Variants in CREB1 observed in about 807,000 individuals in gnomAD.
The protein encoded by CREB1 is cAMP responsive element binding protein 1, also known as cyclic AMP-responsive element-binding protein 1.
A neutral mutation model predicts 42.0 loss-of-function variants in CREB1; 2 were observed. The observed-to-expected ratio is 0.05, with a 90% CI of 0.02 to 0.15. The LOEUF is 0.15. Among genes scored for constraint, CREB1 ranks in the 10% least tolerant of loss-of-function variants. CREB1 has a pLI of 1.00. For missense variants in CREB1, 199 were observed against 388.9 expected, an observed-to-expected ratio of 0.51 and a Z score of 4.11; for synonymous variants, 123 against 139.9, an observed-to-expected ratio of 0.88 and a Z score of 0.85.
intron 1 of CREB1, among the ~76,000 whole-genome samples, chr2:207,547,930 AT>A (rs930567299): frequency 1.3e-3 from 192 of 145,908 alleles, no homozygotes; most frequent in Middle Eastern, 3.5e-3. Flanking sequence ...ATATCAGATG[AT>A]TTTTTTTTTT....
intron 3 of CREB1, among the ~76,000 whole-genome samples, chr2:207,563,997 T>C (rs1206415472): frequency 6.6e-6 from 1 of 152,138 alleles, no homozygotes; most frequent in East Asian, 1.9e-4. Flanking sequence ...TCATTCTCAC[T>C]ATCCTGAAAA....
chr2:207,542,709 T>C (rs1289428195), intron 1 of CREB1, among the ~76,000 whole-genome samples: 3 of 152,242 alleles, frequency 2.0e-5, no homozygotes, highest in Non-Finnish European at 2.9e-5. Context: ...TTTGGTGTTA[T>C]ATTGTGTATA....
intron 1 of CREB1, among the ~76,000 whole-genome samples, chr2:207,537,597 A>T (rs2080925702): frequency 6.6e-6 from 1 of 152,240 alleles, no homozygotes. Context: ...TAGAAGAGCC[A>T]GATGCTGGTC....
At chr2:207,564,757 C>G (rs1000431350) in intron 3 of CREB1, among the ~76,000 whole-genome samples, 1 of 151,998 alleles carries the variant, frequency 6.6e-6, no homozygotes, top group Non-Finnish European at 1.5e-5. Context: ...TTGAGAAATA[C>G]AGACCTAAAA....
rs2081351083 is a variant in CREB1 at position 207,547,819 on chromosome 2, CA to C, written c.-8-7803del. ...AAATACTTAATTTCAAACAAACAAACAAAAAACTTTAAGAAAGCACTACAGC... is the reference window on the plus strand; with the variant it reads ...AAATACTTAATTTCAAACAAACAAACAAAAACTTTAAGAAAGCACTACAGC... On this transcript the variant is annotated intron_variant, in intron 1 of 7. Coordinates refer to ENST00000353267, the MANE Select transcript of CREB1 (RefSeq NM_004379.5). 3.3e-5 allele frequency among the ~76,000 whole-genome samples: 5 copies of C among 151,930 alleles called. No homozygotes were observed. In the South Asian group the frequency reaches 1.0e-3, roughly 32 times the overall value.
Position 207,577,540 on chromosome 2 carries a change from A to T in CREB1, c.724A>T (p.Thr242Ser). Residue 242 changes from threonine to serine, a missense_variant, in exon 7 of 8, where the codon ACA becomes TCA. By Grantham distance (58) the Thr-to-Ser change is moderately conservative (BLOSUM62 1). Transcript: ENST00000353267. Reference protein sequence around the residue: ...SGDVQTYQIRTAPTSTIAPGV... With the variant: ...SGDVQTYQIRSAPTSTIAPGV... ...AGACGTACAAACATACCAGATTCGC[A>T]CAGCACCCACTAGCACTATTGCCCC... is the stretch of plus-strand genomic sequence containing the variant. 6.2e-7 allele frequency: 1 copy of T among 1,614,014 alleles called. No individual in the cohort carries two copies. The highest frequency in any genetic ancestry group is 8.5e-7 in the Non-Finnish European group (1 of 1,179,962).
chr2:207,577,219 C>CT, intron 6 of CREB1: 1 of 1,119,680 alleles, frequency 8.9e-7, no homozygotes, highest in Non-Finnish European at 1.1e-6. Context: ...ACCTTTTAGA[C>CT]TTAAGGTTGG....
Position 207,599,767 on chromosome 2 carries a change from T to C in CREB1, c.*2709T>C, listed in dbSNP as rs906880242. On this transcript the variant is annotated 3_prime_UTR_variant, in exon 8 of 8. Coordinates refer to ENST00000353267, the MANE Select transcript of CREB1 (RefSeq NM_004379.5). Reference sequence around the variant, plus strand: ...ACTTTGAGAATCTTTATTAAGAAAATGACATAATTTTTAAAAACCTTGTAG... The same window carrying C: ...ACTTTGAGAATCTTTATTAAGAAAACGACATAATTTTTAAAAACCTTGTAG... The C allele has an allele frequency of 5.1e-6, 1 of 196,122 alleles. No homozygotes were observed. Among genetic ancestry groups the C allele is most frequent in the East Asian group, 8.0e-5 (1 of 12,532 alleles). The allele number at this position is 196,122 out of a possible 1,614,324, so 12.1% of individuals were successfully genotyped here. A position where few individuals can be genotyped will look rare whatever the true frequency, so the allele number is the denominator to read the frequency against.
At chr2:207,590,945 A>T (rs1206510087) in intron 7 of CREB1, among the ~76,000 whole-genome samples, 1 of 152,124 alleles carries the variant, frequency 6.6e-6, no homozygotes, top group African/African-American at 2.4e-5. Context: ...CAGTTTAAAA[A>T]TTTTTTTATT....
At chr2:207,544,765 G>T (rs531237064) in intron 1 of CREB1, among the ~76,000 whole-genome samples, 1 of 151,144 alleles carries the variant, frequency 6.6e-6, no homozygotes, top group Admixed American at 6.6e-5. Context: ...CCCAACCACC[G>T]ATGTGTCCAT....
At chr2:207,576,797 G>C in intron 6 of CREB1, 1 of 1,036,272 alleles carries the variant, frequency 9.6e-7, no homozygotes, top group Non-Finnish European at 1.2e-6. Context: ...ATTTTTTTAA[G>C]TAACATTAGG....
intron 1 of CREB1, among the ~76,000 whole-genome samples, chr2:207,542,572 G>C (rs1027746240): frequency 6.6e-6 from 1 of 152,032 alleles, no homozygotes; most frequent in Non-Finnish European, 1.5e-5. Context: ...TCTCTTGTCA[G>C]ATACATGATT....
chr2:207,575,108 G>T (rs2082523910), intron 5 of CREB1, among the ~76,000 whole-genome samples, 164 bp from the exon 6 acceptor site: 1 of 152,098 alleles, frequency 6.6e-6, no homozygotes. Flanking sequence ...TTGAATATGG[G>T]TTTCCTGAGG....
At chr2:207,566,410 A>G (rs1443234074) in intron 3 of CREB1, among the ~76,000 whole-genome samples, 2 of 152,204 alleles carry the variant, frequency 1.3e-5, no homozygotes, top group African/African-American at 4.8e-5. Flanking sequence ...AGTTCAGGAA[A>G]GAGCATAACG....
chr2:207,601,934 TATG>T lies in CREB1; in HGVS notation c.*4877_*4879del, dbSNP rs2087130536. 2.8e-5 allele frequency: 6 copies of T among 211,466 alleles called. No homozygotes were observed. The East Asian group carries it at 4.3e-4, about 15-fold the overall frequency. The allele number at this position is 211,466 out of a possible 1,614,324, so 13.1% of individuals were successfully genotyped here. ...TATTAAGTTGGCTACACAGTCACTG[TATG>T]TACTAGGAACTGGTTTCCTTGACAT... On this transcript the variant is annotated 3_prime_UTR_variant, in exon 8 of 8. Coordinates refer to ENST00000353267, the MANE Select transcript of CREB1 (RefSeq NM_004379.5).
At chr2:207,576,241 C>CTTTTTTTTTTTTTTTTTTTTTT (rs35735523) in intron 6 of CREB1, among the ~76,000 whole-genome samples, 34 of 101,064 alleles carry the variant, frequency 3.4e-4, no homozygotes, top group African/African-American at 5.3e-4. Flanking sequence ...CTTTTTTTGG[C>CTTTTTTTTTTTTTTTTTTTTTT]TTTTTTTTTT....
intron 1 of CREB1, among the ~76,000 whole-genome samples, chr2:207,551,296 G>T (rs2081493543): frequency 6.6e-6 from 1 of 152,142 alleles, no homozygotes; most frequent in African/African-American, 2.4e-5. Context: ...TGTGGAAAGG[G>T]GTGTGAAAGT....
At chr2:207,533,417 G>A (rs985742113) in intron 1 of CREB1, among the ~76,000 whole-genome samples, 1 of 151,958 alleles carries the variant, frequency 6.6e-6, no homozygotes, top group Non-Finnish European at 1.5e-5. Context: ...TGGTTATGGG[G>A]TTATAGTAAA....
chr2:207,563,637 ATGACTGTTATAAAG>A (rs2082032986), intron 3 of CREB1, among the ~76,000 whole-genome samples: 1 of 152,196 alleles, frequency 6.6e-6, no homozygotes, highest in African/African-American at 2.4e-5. Flanking sequence ...TGACTTCTAA[ATGACTGTTATAAAG>A]TGTTAAATGA....
Sources: allele counts gnomAD v4.1 joint callset (sites outside exome capture counted in the v4.1 genomes callset), GRCh38; gene constraint gnomAD v4.1.1; transcripts MANE v1.5; gene names NCBI Gene and HGNC (gene_info 2026-07-23, HGNC 2026-07-21).